The following RELN variants were observed in gnomAD, a reference collection of about 807,000 sequenced individuals.
The protein encoded by RELN is reelin.
A neutral mutation model predicts 427.6 loss-of-function variants in RELN; 108 were observed. That is an observed-to-expected ratio of 0.25 (90% CI 0.22 to 0.30). The LOEUF (loss-of-function observed/expected upper bound fraction) is 0.30. Ranked by LOEUF, RELN falls within the 10% of genes least tolerant of loss-of-function variation. The pLI, the probability that RELN is intolerant of heterozygous loss-of-function variation, is 1.00. For missense variants in RELN, 3,715 were observed against 4,302.8 expected, an observed-to-expected ratio of 0.86 and a Z score of 3.82; for synonymous variants, 1,524 against 1,513.4, an observed-to-expected ratio of 1.01 and a Z score of -0.16.
In RELN at chr7:103,706,481, C is replaced by T. The variant is rs557735194; in HGVS notation, c.806-5475G>A. 3.9e-5 allele frequency among the ~76,000 whole-genome samples: 6 copies of T among 152,222 alleles called. 2 individuals carry two copies. Among genetic ancestry groups the T allele is most frequent in the African/African-American group, 1.4e-4 (6 of 41,536 alleles). On this transcript the variant is annotated intron_variant, in intron 8 of 64. Transcript: ENST00000428762. ...GCCCTGCTATTAGTAGGCGTTTCTA[C>T]TTTACAAGTAAGGAAACTAAGGTAA...
At chr7:103,975,713 T>C (rs1039579007) in intron 1 of RELN, among the ~76,000 whole-genome samples, 1 of 85,440 alleles carries the variant, frequency 1.2e-5, no homozygotes, top group African/African-American at 5.8e-5. Context: ...GCCTGGCTGA[T>C]TTTTTTTTTT....
At chr7:103,957,579 C>A (rs1251424971) in intron 1 of RELN, among the ~76,000 whole-genome samples, 1 of 152,146 alleles carries the variant, frequency 6.6e-6, no homozygotes, top group African/African-American at 2.4e-5. Context: ...CACGCACATG[C>A]TCATAAATGC....
In RELN at chr7:103,654,185, T is replaced by A. The variant is rs765075998; in HGVS notation, c.1462A>T (p.Asn488Tyr). Residue 488 changes from asparagine to tyrosine, a missense_variant, in exon 13 of 65, where the codon AAT (asparagine) becomes TAT (tyrosine). This residue lies in a region of RELN where 2,208 missense variants were observed against 2,361.7 expected (regional missense o/e 0.93). Coordinates refer to ENST00000428762, the MANE Select transcript of RELN (RefSeq NM_005045.4). ...AGGATTATGTCATTTTCATGAGAATTTCCAGGGTCACAAATTCCTCCTGCA... is the reference window on the plus strand; with the variant it reads ...AGGATTATGTCATTTTCATGAGAATATCCAGGGTCACAAATTCCTCCTGCA... ...FVMGGICDPG[N>Y]SHENDIILYA... 6.2e-7 allele frequency: 1 copy of A among 1,611,044 alleles called. No individual in the cohort carries two copies. The highest frequency in any genetic ancestry group is 8.5e-7 in the Non-Finnish European group (1 of 1,177,696).
intron 50 of RELN, chr7:103,513,444 C>T (rs1186002292): frequency 2.0e-5 from 3 of 152,138 alleles, no homozygotes; most frequent in Non-Finnish European, 2.9e-5. Context: ...TGTAAACTCA[C>T]TTATGTAAAC....
chr7:103,979,075 T>C (rs1796938317), intron 1 of RELN, among the ~76,000 whole-genome samples: 1 of 152,152 alleles, frequency 6.6e-6, no homozygotes, highest in African/African-American at 2.4e-5. Context: ...GTCGTTAAAG[T>C]CCAATGAGGC....
intron 2 of RELN, among the ~76,000 whole-genome samples, chr7:103,899,410 G>A (rs183810278): frequency 2.0e-3 from 304 of 152,134 alleles, no homozygotes; most frequent in Non-Finnish European, 3.8e-3. Context: ...CCGAACATTA[G>A]AAAAAGAAGG....
chr7:103,557,240 A>G (rs1336715543), intron 37 of RELN, 81 bp from the exon 38 acceptor site: 13 of 1,156,872 alleles, frequency 1.1e-5, no homozygotes, highest in Middle Eastern at 2.3e-4. Context: ...ATCTTTAGGC[A>G]TCAATGCATA....
At chr7:103,820,713 T>C (rs770564408) in intron 3 of RELN, among the ~76,000 whole-genome samples, 17 of 152,130 alleles carry the variant, frequency 1.1e-4, no homozygotes, top group Non-Finnish European at 2.1e-4. Context: ...TAAATGAAGT[T>C]CATTATGAAC....
chr7:103,852,085 TA>T (rs1190200982), intron 2 of RELN, among the ~76,000 whole-genome samples: 3 of 152,170 alleles, frequency 2.0e-5, no homozygotes, highest in Non-Finnish European at 4.4e-5. Flanking sequence ...CTTACCTGAT[TA>T]ATACACCCTT....
chr7:103,676,102 A>C (rs149391223), intron 11 of RELN, among the ~76,000 whole-genome samples: 1 of 152,292 alleles, frequency 6.6e-6, no homozygotes, highest in South Asian at 2.1e-4. Flanking sequence ...TGAACAGGCA[A>C]CCTATAGAAT....
chr7:103,759,254 A>G (rs1791236565), intron 4 of RELN, among the ~76,000 whole-genome samples: 1 of 152,000 alleles, frequency 6.6e-6, no homozygotes, highest in African/African-American at 2.4e-5. Flanking sequence ...CAGATTTGAT[A>G]AAGATAATTA....
chr7:103,906,893 A>C (rs1795218780), intron 2 of RELN, among the ~76,000 whole-genome samples: 1 of 152,144 alleles, frequency 6.6e-6, no homozygotes, highest in South Asian at 2.1e-4. Flanking sequence ...AGAGGTTTTG[A>C]GCCACGGATG....
Position 103,753,205 on chromosome 7 carries a change from T to C in RELN, c.554A>G (p.Asp185Gly), listed in dbSNP as rs1489549715. ...ACCTAGATGTGGGTGCACAGTGACA[T>C]CTGTTGGAGCTGAATCAAGAGAGGA... ...QQLCEQGAPT[D>G]VTVHPHLAEI... Residue 185 changes from aspartate to glycine, a missense_variant, in exon 5 of 65, where the codon GAT becomes GGT. By Grantham distance (94) the Asp-to-Gly change is moderately conservative (BLOSUM62 -1). This residue lies in a region of RELN where 2,208 missense variants were observed against 2,361.7 expected (regional missense o/e 0.93). Coordinates refer to ENST00000428762, the MANE Select transcript of RELN (RefSeq NM_005045.4). 6.2e-7 allele frequency: 1 copy of C among 1,613,914 alleles called. No individual in the cohort carries two copies. Among genetic ancestry groups the C allele is most frequent in the Non-Finnish European group, 8.5e-7 (1 of 1,179,978 alleles).
chr7:103,926,881 C>T (rs1290713118), intron 1 of RELN, among the ~76,000 whole-genome samples: 1 of 109,094 alleles, frequency 9.2e-6, no homozygotes, highest in East Asian at 3.9e-4. Context: ...CTCCTGACCT[C>T]GTGATCCACC....
intron 10 of RELN, 57 bp from the exon 11 acceptor site, chr7:103,682,318 G>C: frequency 6.3e-7 from 1 of 1,579,522 alleles, no homozygotes; most frequent in African/African-American, 1.3e-5. Flanking sequence ...AGCTGTATCT[G>C]TCTTACTCAT....
intron 1 of RELN, among the ~76,000 whole-genome samples, chr7:103,973,796 A>G (rs1187739499): frequency 6.6e-6 from 1 of 152,236 alleles, no homozygotes; most frequent in Admixed American, 6.5e-5. Context: ...TAGATTAAAT[A>G]AATATATTCC....
At chr7:103,903,377 T>C (rs532738550) in intron 2 of RELN, among the ~76,000 whole-genome samples, 5 of 152,198 alleles carry the variant, frequency 3.3e-5, no homozygotes, top group East Asian at 3.9e-4. Context: ...CGGAAACTTA[T>C]GTTCCAGAAT....
rs149944105 is a variant in RELN at position 103,763,767 on chromosome 7, G to A, written c.545-10553C>T. On this transcript the variant is annotated intron_variant, in intron 4 of 64. Coordinates refer to ENST00000428762, the MANE Select transcript of RELN (RefSeq NM_005045.4). ...GGAAAGATCTAAATGTGGAGATGACGTTGGAGAGAGAGAGAGGTGGGACAG... is the reference window on the plus strand; with the variant it reads ...GGAAAGATCTAAATGTGGAGATGACATTGGAGAGAGAGAGAGGTGGGACAG... Among the ~76,000 whole-genome samples, 38 of 152,240 alleles carry A rather than the reference G, an allele frequency of 2.5e-4. No individual in the cohort carries two copies. The East Asian group carries it at 5.0e-3, about 20-fold the overall frequency.
intron 1 of RELN, among the ~76,000 whole-genome samples, chr7:103,949,476 C>T (rs568426274): frequency 3.3e-5 from 5 of 152,162 alleles, no homozygotes; most frequent in South Asian, 2.1e-4. Context: ...CCCTCACGAA[C>T]GCGATTAGTG....
Sources: allele counts gnomAD v4.1 joint callset (sites outside exome capture counted in the v4.1 genomes callset), GRCh38; gene constraint gnomAD v4.1.1; regional missense constraint gnomAD v4.1.1; transcripts MANE v1.5; gene names NCBI Gene and HGNC (gene_info 2026-07-23, HGNC 2026-07-21).